The following PICALM variants were observed in gnomAD, a reference collection of about 807,000 sequenced individuals.
The protein encoded by PICALM is phosphatidylinositol binding clathrin assembly protein.
PICALM carries 40 observed loss-of-function variants against 80.5 expected under a neutral mutation model. The observed-to-expected ratio is 0.50, with a 90% CI of 0.39 to 0.65. The LOEUF is 0.65. Ranked by LOEUF, PICALM falls within the 30% of genes least tolerant of loss-of-function variation. The probability of loss-of-function intolerance (pLI) is 0.00; values close to 1 mark genes in which losing one functional copy is unlikely to be tolerated. For missense variants in PICALM, 676 were observed against 778.9 expected, an observed-to-expected ratio of 0.87 and a Z score of 1.57; for synonymous variants, 288 against 260.3, an observed-to-expected ratio of 1.11 and a Z score of -1.02.
At chr11:86,038,129 G>T (rs1254342368) in intron 1 of PICALM, among the ~76,000 whole-genome samples, 1 of 152,148 alleles carries the variant, frequency 6.6e-6, no homozygotes, top group South Asian at 2.1e-4. Flanking sequence ...AGACCAGCCT[G>T]GCCAATATGG....
rs778906355 is a variant in PICALM at position 85,991,157 on chromosome 11, T to TTGA, written c.1259-759_1259-758insTCA. Among the ~76,000 whole-genome samples, 95 of 152,312 alleles carry TTGA rather than the reference T, an allele frequency of 6.2e-4. 2 individuals are homozygous for TTGA. The highest frequency in any genetic ancestry group is 9.3e-4 in the Non-Finnish European group (63 of 68,016). On this transcript the variant is annotated intron_variant, in intron 12 of 19. Transcript: ENST00000393346. Reference sequence around the variant, plus strand: ...TATACTGATACCTTATTCAAGATAATTATCATTCTAATGACTGAAATCTAT... The same window carrying TTGA: ...TATACTGATACCTTATTCAAGATAATTGATATCATTCTAATGACTGAAATCTAT...
At position 86,008,279 on chromosome 11, in the gene PICALM, C is replaced by T. The variant is rs193077486; in HGVS notation, c.766-696G>A. Reference sequence around the variant, plus strand: ...GTGTTTCATTTTCTAATCAGTCTCCCTTCCTTTTGTGACCTCTCAGGGGCT... The same window carrying T: ...GTGTTTCATTTTCTAATCAGTCTCCTTTCCTTTTGTGACCTCTCAGGGGCT... On this transcript the variant is annotated intron_variant, in intron 7 of 19. Coordinates refer to ENST00000393346, the MANE Select transcript of PICALM (RefSeq NM_007166.4). Among the ~76,000 whole-genome samples, 599 of 152,280 alleles carry T rather than the reference C, an allele frequency of 3.9e-3. 2 individuals carry two copies. Among genetic ancestry groups the T allele is most frequent in the Middle Eastern group, 0.01 (3 of 294 alleles).
Position 85,981,865 on chromosome 11 carries a change from T to A in PICALM, c.1648+7A>T. 6.2e-7 allele frequency: 1 copy of A among 1,613,488 alleles called. No individual in the cohort carries two copies. Among genetic ancestry groups the A allele is most frequent in the Non-Finnish European group, 8.5e-7 (1 of 1,179,394 alleles). On this transcript the variant is annotated splice_region_variant and intron_variant, in intron 15 of 19. Transcript: ENST00000393346. ...AAAGAAGATTAACGTATCCAAAGAC[T>A]ACTTACTGCCCACAAGGTTGGCTAA... is the stretch of plus-strand genomic sequence containing the variant.
At chr11:85,978,240 G>A (rs2094340097) in intron 17 of PICALM, 2 of 683,584 alleles carry the variant, frequency 2.9e-6, no homozygotes, top group Non-Finnish European at 5.3e-6. Context: ...AGTATCTAAT[G>A]AAAGAACATC....
rs148538514 is a variant in PICALM, at chr11:86,018,819, G to A, written c.452+3548C>T. ...CAGAAGAATCGCTTGAACCCGGGAG[G>A]TGGAGGTTGCAGTGAGCCAAGAGCA... On this transcript the variant is annotated intron_variant, in intron 4 of 19. Transcript: ENST00000393346. Among the ~76,000 whole-genome samples, 599 of 152,014 alleles carry A rather than the reference G, an allele frequency of 3.9e-3. 6 individuals are homozygous for A. The highest frequency in any genetic ancestry group is 0.014 in the African/African-American group (567 of 41,434).
intron 1 of PICALM, among the ~76,000 whole-genome samples, chr11:86,040,711 G>A (rs2095947218): frequency 6.6e-6 from 1 of 152,168 alleles, no homozygotes; most frequent in Non-Finnish European, 1.5e-5. Context: ...CAGTATAGGT[G>A]TATATATGTT....
At chr11:86,028,317 T>C (rs1360638353) in intron 2 of PICALM, among the ~76,000 whole-genome samples, 3 of 152,206 alleles carry the variant, frequency 2.0e-5, no homozygotes, top group African/African-American at 7.2e-5. Flanking sequence ...ATTTAAAGAA[T>C]GGCAATGTGG....
At chr11:86,034,334 T>C (rs553784871) in intron 1 of PICALM, among the ~76,000 whole-genome samples, 1 of 152,310 alleles carries the variant, frequency 6.6e-6, no homozygotes, top group East Asian at 1.9e-4. Context: ...TCTCATTTAA[T>C]AGTACCCTGA....
intron 12 of PICALM, 48 bp downstream of exon 12, chr11:85,996,778 G>T: frequency 9.7e-7 from 1 of 1,034,644 alleles, no homozygotes; most frequent in Non-Finnish European, 1.5e-6. Flanking sequence ...CACAGAATGA[G>T]GAGGAGAGAT....
At chr11:86,040,529 A>G (rs1244961512) in intron 1 of PICALM, among the ~76,000 whole-genome samples, 2 of 152,070 alleles carry the variant, frequency 1.3e-5, no homozygotes, top group African/African-American at 4.8e-5. Flanking sequence ...GTAATCTTTC[A>G]TATGTATTCT....
chr11:86,058,798 T>C (rs1307333530), intron 1 of PICALM, among the ~76,000 whole-genome samples: 2 of 152,176 alleles, frequency 1.3e-5, no homozygotes, highest in Non-Finnish European at 2.9e-5. Context: ...GCACCTTTCA[T>C]ACAAAAAGGT....
At chr11:86,056,141 A>AAAAC (rs2096265930) in intron 1 of PICALM, among the ~76,000 whole-genome samples, 1 of 147,694 alleles carries the variant, frequency 6.8e-6, no homozygotes, top group Non-Finnish European at 1.5e-5. Context: ...TCTTTAAAAA[A>AAAAC]AAAAAAAAAG....
chr11:86,025,058 A>T (rs1269987380), intron 3 of PICALM, among the ~76,000 whole-genome samples: 1 of 152,224 alleles, frequency 6.6e-6, no homozygotes, highest in African/African-American at 2.4e-5. Flanking sequence ...CCATTAAGAC[A>T]ATGTGCATGG....
chr11:86,039,417 T>C (rs115117073), intron 1 of PICALM, among the ~76,000 whole-genome samples: 243 of 149,716 alleles, frequency 1.6e-3, no homozygotes, highest in African/African-American at 5.8e-3. Context: ...AAAAATAAAT[T>C]AAAATAAATT....
chr11:86,020,916 C>A (rs1187484967), intron 4 of PICALM, among the ~76,000 whole-genome samples: 3 of 152,088 alleles, frequency 2.0e-5, no homozygotes, highest in Non-Finnish European at 4.4e-5. Flanking sequence ...CTTCAAAAAA[C>A]ACCAACAAGA....
chr11:86,028,091 T>G (rs2095680992), intron 2 of PICALM, among the ~76,000 whole-genome samples: 1 of 152,216 alleles, frequency 6.6e-6, no homozygotes, highest in South Asian at 2.1e-4. Context: ...AAATTTTCCT[T>G]TTCATTTTAT....
At chr11:85,991,382 A>AC (rs2094772083) in intron 12 of PICALM, among the ~76,000 whole-genome samples, 1 of 152,186 alleles carries the variant, frequency 6.6e-6, no homozygotes, top group East Asian at 1.9e-4. Flanking sequence ...TCTTCATAGT[A>AC]CTAGGTACTG....
chr11:86,034,012 A>G (rs1048739021), intron 1 of PICALM, among the ~76,000 whole-genome samples: 4 of 152,224 alleles, frequency 2.6e-5, no homozygotes, highest in Non-Finnish European at 5.9e-5. Context: ...TAACAAATAA[A>G]GGTTTTTACT....
intron 1 of PICALM, among the ~76,000 whole-genome samples, chr11:86,065,741 T>C (rs2096438671): frequency 6.6e-6 from 1 of 152,216 alleles, no homozygotes; most frequent in Non-Finnish European, 1.5e-5. Flanking sequence ...CTAGGGATGC[T>C]AGTCAACACT....
Sources: allele counts gnomAD v4.1 joint callset (sites outside exome capture counted in the v4.1 genomes callset), GRCh38; gene constraint gnomAD v4.1.1; transcripts MANE v1.5; gene names NCBI Gene and HGNC (gene_info 2026-07-23, HGNC 2026-07-21).